The following UBXN11 variants were observed in gnomAD, a reference collection of about 807,000 sequenced individuals.
UBXN11 encodes UBX domain protein 11.
UBXN11 carries 47 observed loss-of-function variants against 62.8 expected under a neutral mutation model. The ratio of observed to expected loss-of-function variants is 0.75; its 90% CI spans 0.59 to 0.95. The LOEUF (loss-of-function observed/expected upper bound fraction) is 0.95. Ranked by LOEUF, UBXN11 falls within the 40% of genes least tolerant of loss-of-function variation. The pLI, the probability that UBXN11 is intolerant of heterozygous loss-of-function variation, is 0.00. For missense variants in UBXN11, 638 were observed against 661.7 expected (o/e 0.96, Z 0.39); for synonymous variants, 294 against 267.0 (o/e 1.10, Z -0.99).
intron 8 of UBXN11, among the ~76,000 whole-genome samples, chr1:26,287,166 A>AGGAGAGGGAGGTCC (rs914233216): frequency 2.6e-5 from 4 of 152,170 alleles, no homozygotes; most frequent in African/African-American, 9.7e-5. Context: ...GAGGGAGGTC[A>AGGAGAGGGAGGTCC]GAAGAGGGAC....
At chr1:26,291,425 G>A (rs921211254) in intron 8 of UBXN11, among the ~76,000 whole-genome samples, 1 of 152,210 alleles carries the variant, frequency 6.6e-6, no homozygotes, top group African/African-American at 2.4e-5. Context: ...CGCACGGAGG[G>A]ACCACAGATA....
Position 26,297,009 on chromosome 1 carries a change from C to G in UBXN11, c.356-14G>C. The G allele has an allele frequency of 6.3e-7, 1 of 1,594,306 alleles. No homozygotes were observed. Among genetic ancestry groups the G allele is most frequent in the Non-Finnish European group, 8.6e-7 (1 of 1,169,316 alleles). ...GGGTTGCCTCGGCTTCAGGGAAAGACAGGGACAGGCTTCAGCTGCCCCAGC... is the reference window on the plus strand; with the variant it reads ...GGGTTGCCTCGGCTTCAGGGAAAGAGAGGGACAGGCTTCAGCTGCCCCAGC... On this transcript the variant is annotated splice_polypyrimidine_tract_variant and intron_variant, in intron 6 of 14. Transcript: ENST00000374222.
At chr1:26,311,443 GTC>G (rs1486216079), upstream of UBXN11, among the ~76,000 whole-genome samples, 1 of 149,152 alleles carries the variant, frequency 6.7e-6, no homozygotes, top group African/African-American at 2.5e-5. Context: ...CCCGGTGGAA[GTC>G]TCTATTCTTT....
chr1:26,316,950 T>C (rs1374219938), intron 1 of UBXN11, among the ~76,000 whole-genome samples: 1 of 151,726 alleles, frequency 6.6e-6, no homozygotes, highest in Non-Finnish European at 1.5e-5. Context: ...AGGTCTTGGC[T>C]GGGCGCGGTG....
intron 3 of UBXN11, 150 bp downstream of exon 3, chr1:26,301,544 G>C: frequency 8.9e-7 from 1 of 1,122,912 alleles, no homozygotes. Context: ...AGCCCTCAGG[G>C]AGGACAGCAT....
intron 10 of UBXN11, chr1:26,285,236 C>G: frequency 7.6e-7 from 1 of 1,320,724 alleles, no homozygotes; most frequent in Non-Finnish European, 9.7e-7. Context: ...GCCCCGCAGC[C>G]GAGGCTGTCT....
chr1:26,297,792 C>T (rs1314813328), intron 5 of UBXN11, among the ~76,000 whole-genome samples, 170 bp downstream of exon 5: 2 of 152,208 alleles, frequency 1.3e-5, no homozygotes, highest in Non-Finnish European at 2.9e-5. Context: ...CCTCTCGGCT[C>T]AGGTCACAGG....
upstream of UBXN11, chr1:26,306,820 GGGGC>G (rs2073678692): frequency 1.2e-5 from 1 of 82,238 alleles, no homozygotes; most frequent in South Asian, 4.7e-4. Context: ...CTCCAGGTCC[GGGGC>G]GGGGTGGGGG....
intron 10 of UBXN11, chr1:26,284,903 C>T (rs2073091621): frequency 9.9e-7 from 1 of 1,006,404 alleles, no homozygotes; most frequent in Non-Finnish European, 1.2e-6. Context: ...CTTAAACACC[C>T]CCGCGTCATG....
intron 1 of UBXN11, among the ~76,000 whole-genome samples, chr1:26,312,695 A>G (rs1338522176): frequency 6.6e-6 from 1 of 150,974 alleles, no homozygotes; most frequent in Non-Finnish European, 1.5e-5. Context: ...AGAGTGAATG[A>G]GGCTGGACAC....
intron 11 of UBXN11, 51 bp from the exon 12 acceptor site, chr1:26,284,296 G>C: frequency 6.2e-7 from 1 of 1,610,580 alleles, no homozygotes; most frequent in Admixed American, 1.7e-5. Context: ...GAGTGGTGGT[G>C]GAGCCCCCCT....
At chr1:26,284,937 G>A in intron 10 of UBXN11, 1 of 1,001,530 alleles carries the variant, frequency 1.0e-6, no homozygotes, top group Non-Finnish European at 1.2e-6. Context: ...CCTGAGCCCT[G>A]GTGACACATG....
intron 1 of UBXN11, among the ~76,000 whole-genome samples, chr1:26,316,465 G>A (rs540282111): frequency 1.3e-5 from 2 of 151,844 alleles, no homozygotes; most frequent in Non-Finnish European, 2.9e-5. Context: ...AACTCCTGGG[G>A]CCTGGGGGGA....
chr1:26,307,523 G>T (rs940459806), upstream of UBXN11, among the ~76,000 whole-genome samples: 3 of 151,684 alleles, frequency 2.0e-5, no homozygotes, highest in Admixed American at 6.6e-5. Context: ...TTTCAGCTGT[G>T]ATGGTCTGGG....
chr1:26,315,690 T>C (rs754236269), intron 1 of UBXN11, among the ~76,000 whole-genome samples: 2 of 152,230 alleles, frequency 1.3e-5, no homozygotes, highest in African/African-American at 2.4e-5. Flanking sequence ...ATGGAGTTTT[T>C]CTCTTGTCGC....
At chr1:26,300,373 G>C (rs2073501410) in intron 4 of UBXN11, among the ~76,000 whole-genome samples, 1 of 152,194 alleles carries the variant, frequency 6.6e-6, no homozygotes, top group African/African-American at 2.4e-5. Context: ...TGAGCTAGTG[G>C]AAAGTTCTAA....
At position 26,282,765 on chromosome 1, in the gene UBXN11, C is replaced by T. The variant is rs767931718; in HGVS notation, c.1176G>A (p.Pro392=). The change falls in exon 14 of 15, where the codon CCG becomes CCA. Residue 392 remains proline, a synonymous_variant. Transcript: ENST00000374222. ...RERSQESPNT[P]APPLSMLRIK... is the part of the protein sequence containing the mutation. ...TGCGCAGCATGGAGAGCGGGGGTGCCGGCGTGTTGGGTGACTCCTGGCTCC... is the reference window on the plus strand; with the variant it reads ...TGCGCAGCATGGAGAGCGGGGGTGCTGGCGTGTTGGGTGACTCCTGGCTCC... 17 of 1,614,038 alleles carry T rather than the reference C, an allele frequency of 1.1e-5. No individual in the cohort carries two copies. Among genetic ancestry groups the T allele is most frequent in the East Asian group, 2.2e-5 (1 of 44,896 alleles).
rs1207610126 is a variant in UBXN11, at chr1:26,301,741, A to C, written c.72-19T>G. 2 of 1,613,900 alleles carry C rather than the reference A, an allele frequency of 1.2e-6. No homozygotes were observed. The highest frequency in any genetic ancestry group is 2.2e-5 in the South Asian group (2 of 91,018). On this transcript the variant is annotated intron_variant, in intron 2 of 14. Coordinates refer to ENST00000374222, the MANE Select transcript of UBXN11 (RefSeq NM_001389556.1). The stretch of plus-strand genomic sequence containing the variant: ...TCGCCTCCTGGGAACCCAGGCAGGA[A>C]GAAGGAAGAAATATAAGTTAGGGCC...
chr1:26,285,488 C>G lies in UBXN11; in HGVS notation c.828G>C (p.Leu276=), dbSNP rs779982921. ...CCTTAAAGGGGACCCCATTGGGGTA[C>G]AGTCGCTGGAGCTCTGAGGGAAAGA... ...DGFFPSELQR[L]YPNGVPFKVS... is the part of the protein sequence containing the mutation. Residue 276 remains leucine, a synonymous_variant, in exon 10 of 15, where the codon CTG becomes CTC. Coordinates refer to ENST00000374222, the MANE Select transcript of UBXN11 (RefSeq NM_001389556.1). 3 of 1,606,468 alleles carry G rather than the reference C, an allele frequency of 1.9e-6. No individual in the cohort carries two copies. The Admixed American group carries it at 5.0e-5, about 27-fold the overall frequency.
Sources: allele counts gnomAD v4.1 joint callset (sites outside exome capture counted in the v4.1 genomes callset), GRCh38; gene constraint gnomAD v4.1.1; transcripts MANE v1.5; gene names NCBI Gene and HGNC (gene_info 2026-07-23, HGNC 2026-07-21).